The following LINGO2 variants were observed in gnomAD, a reference collection of about 807,000 sequenced individuals.
The protein encoded by LINGO2 is leucine rich repeat and Ig domain containing 2.
LINGO2 carries 14 observed loss-of-function variants against 30.6 expected under a neutral mutation model. The observed-to-expected ratio is 0.46, with a 90% CI of 0.30 to 0.72. The LOEUF (loss-of-function observed/expected upper bound fraction) is 0.72. Among genes scored for constraint, LINGO2 ranks in the 30% least tolerant of loss-of-function variants. LINGO2 has a pLI of 0.07. For missense variants in LINGO2, 729 were observed against 751.7 expected (o/e 0.97, Z 0.35); for synonymous variants, 317 against 288.5 (o/e 1.10, Z -1.00).
chr9:28,468,666 T>A (rs1035173830), intron 2 of LINGO2, among the ~76,000 whole-genome samples: 1 of 152,160 alleles, frequency 6.6e-6, no homozygotes, highest in Admixed American at 6.5e-5. Flanking sequence ...GACTGACTAA[T>A]ACAGGTTTTT....
chr9:28,948,729 G>C, the LINGO2 span, among the ~76,000 whole-genome samples: 1 of 152,138 alleles, frequency 6.6e-6, no homozygotes, highest in South Asian at 2.1e-4. Flanking sequence ...GCAAATCACA[G>C]TATTGAAAAC....
At chr9:28,404,582 T>G (rs1822414763) in intron 2 of LINGO2, among the ~76,000 whole-genome samples, 1 of 152,200 alleles carries the variant, frequency 6.6e-6, no homozygotes, top group Non-Finnish European at 1.5e-5. Context: ...ATAGCACTAC[T>G]GTGCTGAGCT....
rs376039009 is a variant in LINGO2 at position 28,543,654 on chromosome 9, G to A, written c.-364-67629C>T. On this transcript the variant is annotated intron_variant, in intron 1 of 5. Transcript: ENST00000379992. ...CTTACTTTTTCTATATTTAGTGTGG[G>A]TCTACATGCTTTTTAAATAACCCTG... Among the ~76,000 whole-genome samples, 5 of 152,100 alleles carry A rather than the reference G, an allele frequency of 3.3e-5. No homozygotes were observed. In the East Asian group the frequency reaches 7.7e-4, roughly 24 times the overall value.
the LINGO2 span, among the ~76,000 whole-genome samples, chr9:28,755,905 G>A: frequency 5.9e-5 from 9 of 152,080 alleles, no homozygotes; most frequent in Admixed American, 5.2e-4. Context: ...TTCTAAGTCA[G>A]TTATTTAAAT....
At chr9:28,017,734 C>A (rs1822910385) in intron 4 of LINGO2, among the ~76,000 whole-genome samples, 1 of 152,278 alleles carries the variant, frequency 6.6e-6, no homozygotes, top group South Asian at 2.1e-4. Context: ...GGAAAACATT[C>A]CATGCTCATG....
rs555928956 is a variant in LINGO2 at position 28,188,597 on chromosome 9, T to A, written c.-87+106611A>T. 2.0e-5 allele frequency among the ~76,000 whole-genome samples: 3 copies of A among 152,220 alleles called. No homozygotes were observed. The East Asian group carries it at 5.8e-4, about 29-fold the overall frequency. ...CACCAAAAATTGGGACAATCAAATT[T>A]TTTCTAACCCTTTTGGATATAAGAG... On this transcript the variant is annotated intron_variant, in intron 4 of 5. Coordinates refer to ENST00000379992, the Ensembl canonical transcript of LINGO2.
chr9:28,160,048 T>G (rs566594630), intron 4 of LINGO2, among the ~76,000 whole-genome samples: 1 of 152,284 alleles, frequency 6.6e-6, no homozygotes, highest in East Asian at 1.9e-4. Context: ...CAAGATGATG[T>G]TGTGACTGCC....
chr9:28,999,239 A>G, the LINGO2 span, among the ~76,000 whole-genome samples: 1 of 152,134 alleles, frequency 6.6e-6, no homozygotes, highest in Admixed American at 6.6e-5. Context: ...TGTCAGCATA[A>G]TGATAACTCT....
chr9:29,010,451 A>G, the LINGO2 span, among the ~76,000 whole-genome samples: 1 of 152,174 alleles, frequency 6.6e-6, no homozygotes, highest in Non-Finnish European at 1.5e-5. Context: ...GGATGATAAG[A>G]AACAGGCAAT....
chr9:28,110,334 G>A (rs997749843), intron 4 of LINGO2, among the ~76,000 whole-genome samples: 5 of 152,152 alleles, frequency 3.3e-5, no homozygotes, highest in African/African-American at 1.2e-4. Flanking sequence ...ATAGGCATGG[G>A]CAAAGATTTC....
chr9:28,298,085 T>A (rs10968468), intron 3 of LINGO2, among the ~76,000 whole-genome samples: 1 of 152,126 alleles, frequency 6.6e-6, no homozygotes, highest in African/African-American at 2.4e-5. Flanking sequence ...TTTGAAACTG[T>A]ATCCTGTCAC....
chr9:28,973,955 T>C, the LINGO2 span, among the ~76,000 whole-genome samples: 1 of 152,202 alleles, frequency 6.6e-6, no homozygotes, highest in Non-Finnish European at 1.5e-5. Flanking sequence ...CCTGAGGGTA[T>C]AAAACTCACT....
At chr9:28,383,533 T>C (rs1258910842) in intron 2 of LINGO2, among the ~76,000 whole-genome samples, 1 of 151,942 alleles carries the variant, frequency 6.6e-6, no homozygotes, top group African/African-American at 2.4e-5. Context: ...AGGGGATCTC[T>C]ATCTGGAAAG....
the LINGO2 span, among the ~76,000 whole-genome samples, chr9:28,832,938 A>T: frequency 6.6e-6 from 1 of 151,822 alleles, no homozygotes; most frequent in African/African-American, 2.4e-5. Flanking sequence ...TGTCTAGTCC[A>T]TCTCTGATAT....
At chr9:28,716,703 G>T in the LINGO2 span, among the ~76,000 whole-genome samples, 2 of 152,084 alleles carry the variant, frequency 1.3e-5, no homozygotes, top group Non-Finnish European at 2.9e-5. Flanking sequence ...AAGACAGAAA[G>T]ATAGATAGGT....
intron 1 of LINGO2, among the ~76,000 whole-genome samples, chr9:28,668,385 T>C (rs1312505360): frequency 6.6e-5 from 10 of 152,230 alleles, no homozygotes; most frequent in African/African-American, 2.2e-4. Context: ...ACTCTCCCTA[T>C]GTTACTTGCC....
At chr9:28,740,288 T>C in the LINGO2 span, among the ~76,000 whole-genome samples, 1 of 151,810 alleles carries the variant, frequency 6.6e-6, no homozygotes, top group Non-Finnish European at 1.5e-5. Context: ...GGTGTTCATG[T>C]TTCTGTCTAC....
chr9:28,777,161 T>A, the LINGO2 span, among the ~76,000 whole-genome samples: 3 of 152,158 alleles, frequency 2.0e-5, no homozygotes, highest in Non-Finnish European at 4.4e-5. Flanking sequence ...TGTGAGTCAA[T>A]TAAACCTCTT....
chr9:28,657,630 T>G (rs1433377043), intron 1 of LINGO2, among the ~76,000 whole-genome samples: 1 of 152,088 alleles, frequency 6.6e-6, no homozygotes, highest in African/African-American at 2.4e-5. Context: ...TTTAGTTATT[T>G]GAATCTTCTT....
Sources: gnomAD v4.1 joint callset for allele counts (sites outside exome capture counted in the v4.1 genomes callset) on GRCh38, gnomAD v4.1.1 for gene constraint, MANE v1.5 for transcripts, NCBI Gene and HGNC (gene_info 2026-07-23, HGNC 2026-07-21) for gene names.